MRGPRX3: variants seen among roughly 807,000 people sequenced by gnomAD.
MRGPRX3 encodes mas-related G protein-coupled receptor member X3.
MRGPRX3 carries 14 observed loss-of-function variants against 16.5 expected under a neutral mutation model. The ratio of observed to expected loss-of-function variants is 0.85; its 90% CI spans 0.56 to 1.33. The LOEUF (loss-of-function observed/expected upper bound fraction) is 1.33, where lower values mean the gene tolerates loss of function less well. MRGPRX3 is among the 40% of genes most tolerant of loss of function. MRGPRX3 has a pLI of 0.00. For missense variants in MRGPRX3, 449 were observed against 413.0 expected (o/e 1.09, Z -0.76); for synonymous variants, 199 against 180.1 (o/e 1.10, Z -0.84).
rs544118174 is a variant in MRGPRX3, at chr11:18,137,910, G to T, written c.708G>T (p.Trp236Cys). 183 of 1,614,088 alleles carry T rather than the reference G, an allele frequency of 1.1e-4. 1 individual carries two copies. The South Asian group carries it at 1.5e-3, about 13-fold the overall frequency. Residue 236 changes from tryptophan (W) to cysteine (C), a missense_variant, in exon 2 of 2, where the codon TGG (tryptophan) becomes TGT (cysteine). Trp to Cys is a radical substitution (Grantham distance 215, BLOSUM62 -2). Transcript: ENST00000621697. ...GTGGCCTGCCCTTTGGCATTCAGTG[G>T]GCCCTGTTTTCCAGGATCCACCTGG... Reference protein sequence around the residue: ...LLCGLPFGIQWALFSRIHLDW... With the variant: ...LLCGLPFGIQCALFSRIHLDW...
At chr11:18,129,168 C>T (rs1034479351), upstream of MRGPRX3, among the ~76,000 whole-genome samples, 28 of 152,200 alleles carry the variant, frequency 1.8e-4, no homozygotes, top group East Asian at 5.0e-3. Context: ...CCCAACCCAG[C>T]AGAAGAAAAT....
intron 1 of MRGPRX3, among the ~76,000 whole-genome samples, chr11:18,125,771 T>C (rs901835345): frequency 1.3e-5 from 2 of 152,224 alleles, no homozygotes; most frequent in African/African-American, 4.8e-5. Context: ...TTGATCTATC[T>C]AATATTGACA....
At chr11:18,128,681 C>T (rs1016716366), upstream of MRGPRX3, among the ~76,000 whole-genome samples, 1 of 152,208 alleles carries the variant, frequency 6.6e-6, no homozygotes, top group East Asian at 1.9e-4. Flanking sequence ...TCTGTCACTC[C>T]TTTTCTTGGC....
At chr11:18,136,212 A>T (rs1160200104) in intron 1 of MRGPRX3, among the ~76,000 whole-genome samples, 1 of 152,184 alleles carries the variant, frequency 6.6e-6, no homozygotes, top group African/African-American at 2.4e-5. Flanking sequence ...TCCCCCATAC[A>T]TATTCCCACA....
chr11:18,123,579 T>G (rs1002343601), intron 1 of MRGPRX3, among the ~76,000 whole-genome samples: 1 of 152,206 alleles, frequency 6.6e-6, no homozygotes, highest in South Asian at 2.1e-4. Flanking sequence ...CATGCTGTTT[T>G]GGTTACTGTA....
chr11:18,130,696 C>CAAA (rs3072496), upstream of MRGPRX3, among the ~76,000 whole-genome samples: 6,427 of 133,094 alleles, frequency 0.048, 494 homozygotes, highest in African/African-American at 0.17. Flanking sequence ...GAACAACAAC[C>CAAA]AAAAAAAAAA....
At chr11:18,130,682 T>C (rs1468167229), upstream of MRGPRX3, among the ~76,000 whole-genome samples, 8 of 115,722 alleles carry the variant, frequency 6.9e-5, no homozygotes, top group Non-Finnish European at 1.1e-4. Flanking sequence ...CTAAAATTCA[T>C]ATGGAACAAC....
Position 18,137,702 on chromosome 11 carries a change from G to A in MRGPRX3, c.500G>A (p.Gly167Asp), listed in dbSNP as rs1466822761. 4.3e-6 allele frequency: 7 copies of A among 1,613,954 alleles called. No homozygotes were observed. Among genetic ancestry groups the A allele is most frequent in the Non-Finnish European group, 5.9e-6 (7 of 1,180,032 alleles). ...ATGTTCTGTGACTTCCTGTTTAGTG[G>A]TGCTAATTCTGTTTGGTGTGAAACG... ...EWMFCDFLFS[G>D]ANSVWCETSD... Residue 167 changes from glycine to aspartate, a missense_variant, in exon 2 of 2, where the codon GGT becomes GAT. Coordinates refer to ENST00000621697, the MANE Select transcript of MRGPRX3 (RefSeq NM_001370464.1).
chr11:18,138,149 C>T lies in MRGPRX3; in HGVS notation c.947C>T (p.Ser316Leu), dbSNP rs766366657. 1.1e-5 allele frequency: 17 copies of T among 1,612,034 alleles called. No individual in the cohort carries two copies. Among genetic ancestry groups the T allele is most frequent in the Middle Eastern group, 1.7e-4 (1 of 6,060 alleles). The change falls in exon 2 of 2, where the codon TCG becomes TTG. Residue 316 changes from serine to leucine, a missense_variant. Physicochemically the swap from Ser to Leu is moderately radical, Grantham distance 145 (BLOSUM62 -2). Transcript: ENST00000621697. The stretch of plus-strand genomic sequence containing the variant: ...CTTCCTCAGGAAACCCTGGAGCTGT[C>T]GGGAAGCAGATTGGAGCAGTGAGGA... ...GWLPQETLEL[S>L]GSRLEQ
chr11:18,121,363 C>T (rs771961315), intron 1 of MRGPRX3, among the ~76,000 whole-genome samples: 4 of 150,514 alleles, frequency 2.7e-5, no homozygotes, highest in South Asian at 4.2e-4. Flanking sequence ...CCGCCCCGTC[C>T]GGGAGGTGAG....
At position 18,137,218 on chromosome 11, in the gene MRGPRX3, C is replaced by T. The variant is rs754009138; in HGVS notation, c.16C>T (p.Pro6Ser). ...GTTTCTGAGCATGGATTCAACCATCCCAGTCTTGGGTACAGAACTGACACC... is the reference window on the plus strand; with the variant it reads ...GTTTCTGAGCATGGATTCAACCATCTCAGTCTTGGGTACAGAACTGACACC... MDSTIPVLGTELTPIN... is the reference protein window; with the variant it reads MDSTISVLGTELTPIN... Residue 6 changes from proline to serine, a missense_variant, in exon 2 of 2, where the codon CCA becomes TCA. Physicochemically the swap from Pro to Ser is moderately conservative, Grantham distance 74. Coordinates refer to ENST00000621697, the MANE Select transcript of MRGPRX3 (RefSeq NM_001370464.1). The T allele has an allele frequency of 5.0e-6, 8 of 1,597,736 alleles. No homozygotes were observed. Among genetic ancestry groups the T allele is most frequent in the African/African-American group, 1.3e-5 (1 of 74,626 alleles).
chr11:18,131,192 A>G (rs1258037884), upstream of MRGPRX3, among the ~76,000 whole-genome samples: 1 of 152,260 alleles, frequency 6.6e-6, no homozygotes, highest in Non-Finnish European at 1.5e-5. Flanking sequence ...ATAGGACTTA[A>G]TTAAACTAAA....
chr11:18,130,675 A>C (rs1848952127), upstream of MRGPRX3, among the ~76,000 whole-genome samples: 1 of 145,894 alleles, frequency 6.9e-6, no homozygotes, highest in Admixed American at 7.2e-5. Context: ...AACAATTCTA[A>C]AATTCATATG....
chr11:18,123,111 C>T (rs1429213005), intron 1 of MRGPRX3, among the ~76,000 whole-genome samples: 1 of 152,134 alleles, frequency 6.6e-6, no homozygotes, highest in Non-Finnish European at 1.5e-5. Context: ...GAGTAGATTG[C>T]AAAAATTTTC....
chr11:18,127,416 C>T (rs1162741015), intron 1 of MRGPRX3, among the ~76,000 whole-genome samples: 142 of 152,324 alleles, frequency 9.3e-4, no homozygotes, highest in Non-Finnish European at 1.7e-3. Flanking sequence ...ACCAATCAGA[C>T]GTAGATTTGG....
chr11:18,122,244 G>C (rs1848847832), intron 1 of MRGPRX3, among the ~76,000 whole-genome samples: 1 of 152,012 alleles, frequency 6.6e-6, no homozygotes, highest in African/African-American at 2.4e-5. Flanking sequence ...GGGTACATGT[G>C]CACAACATGG....
chr11:18,130,603 T>A (rs1241963576), upstream of MRGPRX3, among the ~76,000 whole-genome samples: 1 of 149,990 alleles, frequency 6.7e-6, no homozygotes, highest in African/African-American at 2.5e-5. Flanking sequence ...CCAAAAGCAA[T>A]CTACAAGTTC....
rs748411547 is a variant in MRGPRX3, at chr11:18,137,993, A to G, written c.791A>G (p.Asn264Ser). 1 of 1,614,140 alleles carries G rather than the reference A, an allele frequency of 6.2e-7. No homozygotes were observed. ...GTTTCCATTTTCCTGTCCGCTCTTAACAGCAGTGCCAACCCCATCATTTAC... is the reference window on the plus strand; with the variant it reads ...GTTTCCATTTTCCTGTCCGCTCTTAGCAGCAGTGCCAACCCCATCATTTAC... ...HLVSIFLSAL[N>S]SSANPIIYFF... is the part of the protein sequence containing the mutation. Residue 264 changes from asparagine to serine, a missense_variant, in exon 2 of 2, where the codon AAC (asparagine) becomes AGC (serine). Coordinates refer to ENST00000621697, the MANE Select transcript of MRGPRX3 (RefSeq NM_001370464.1).
At chr11:18,125,289 A>C (rs1453191915) in intron 1 of MRGPRX3, among the ~76,000 whole-genome samples, 1 of 151,954 alleles carries the variant, frequency 6.6e-6, no homozygotes, top group Non-Finnish European at 1.5e-5. Flanking sequence ...TTAGGGTGTC[A>C]ATTTTAGATC....
Sources: gnomAD v4.1 joint callset for allele counts (sites outside exome capture counted in the v4.1 genomes callset) on GRCh38, gnomAD v4.1.1 for gene constraint, MANE v1.5 for transcripts, NCBI Gene and HGNC (gene_info 2026-07-23, HGNC 2026-07-21) for gene names.